MAGI2: variants seen among roughly 807,000 people sequenced by gnomAD.
MAGI2 encodes the protein membrane associated guanylate kinase, WW and PDZ domain containing 2.
In MAGI2, 35 loss-of-function variants were observed where a neutral mutation model predicts 133.3. That is an observed-to-expected ratio of 0.26 (90% confidence interval 0.20 to 0.35). The LOEUF (loss-of-function observed/expected upper bound fraction) is 0.35. Among genes scored for constraint, MAGI2 ranks in the 10% least tolerant of loss-of-function variants. MAGI2 has a pLI of 1.00. For missense variants in MAGI2, 1,636 were observed against 1,863.4 expected, an observed-to-expected ratio of 0.88 and a Z score of 2.25; for synonymous variants, 729 against 710.6, an observed-to-expected ratio of 1.03 and a Z score of -0.41.
intron 1 of MAGI2, among the ~76,000 whole-genome samples, chr7:79,434,379 CAG>C (rs1847997366): frequency 6.6e-6 from 1 of 152,080 alleles, no homozygotes; most frequent in Admixed American, 6.6e-5. Context: ...AAAACAGAAA[CAG>C]ATACTTTTTC....
At chr7:78,090,535 A>G (rs1261937552) in intron 20 of MAGI2, among the ~76,000 whole-genome samples, 2 of 152,172 alleles carry the variant, frequency 1.3e-5, no homozygotes, top group African/African-American at 4.8e-5. Flanking sequence ...TGGTTTTCCT[A>G]CTGTCAACTG....
At chr7:78,786,368 G>A (rs990282557) in intron 2 of MAGI2, among the ~76,000 whole-genome samples, 1 of 152,154 alleles carries the variant, frequency 6.6e-6, no homozygotes, top group Non-Finnish European at 1.5e-5. Context: ...TAGTGAATCT[G>A]TTAAAACCTA....
intron 6 of MAGI2, among the ~76,000 whole-genome samples, chr7:78,389,029 T>C (rs1353913867): frequency 1.3e-5 from 2 of 152,200 alleles, no homozygotes; most frequent in Non-Finnish European, 2.9e-5. Flanking sequence ...GAGATAATAC[T>C]TGAAAGTGAA....
chr7:78,454,835 C>A (rs1212532422), intron 6 of MAGI2, among the ~76,000 whole-genome samples: 2 of 152,096 alleles, frequency 1.3e-5, no homozygotes, highest in Non-Finnish European at 2.9e-5. Context: ...TACTATATGA[C>A]TTCAACTATG....
chr7:78,527,550 C>G (rs535183714), intron 3 of MAGI2, among the ~76,000 whole-genome samples: 1 of 152,194 alleles, frequency 6.6e-6, no homozygotes, highest in East Asian at 1.9e-4. Context: ...TAATAGATAT[C>G]AAAATATTAT....
At chr7:78,586,608 T>C (rs986854864) in intron 3 of MAGI2, among the ~76,000 whole-genome samples, 3 of 152,210 alleles carry the variant, frequency 2.0e-5, no homozygotes, top group Non-Finnish European at 4.4e-5. Context: ...ATATTGTTTT[T>C]AAGTATACTA....
At chr7:78,664,796 G>A (rs1813363759) in intron 2 of MAGI2, among the ~76,000 whole-genome samples, 1 of 151,910 alleles carries the variant, frequency 6.6e-6, no homozygotes, top group South Asian at 2.1e-4. Context: ...GGTATACTGA[G>A]TTAAGCTATG....
At chr7:78,634,917 A>G (rs761457707) in intron 2 of MAGI2, among the ~76,000 whole-genome samples, 9 of 152,138 alleles carry the variant, frequency 5.9e-5, no homozygotes, top group Non-Finnish European at 1.2e-4. Flanking sequence ...TATAATTTAT[A>G]TATTTTATTC....
intron 9 of MAGI2, among the ~76,000 whole-genome samples, chr7:78,331,440 G>A (rs776787558): frequency 6.6e-6 from 1 of 152,208 alleles, no homozygotes; most frequent in Non-Finnish European, 1.5e-5. Context: ...ATCTAGCTGT[G>A]CTCACTTTGG....
chr7:78,027,222 T>G (rs1001822929), intron 21 of MAGI2, among the ~76,000 whole-genome samples: 1 of 152,200 alleles, frequency 6.6e-6, no homozygotes, highest in Non-Finnish European at 1.5e-5. Context: ...CTAAAGTGAT[T>G]GTCAGAAGCA....
intron 2 of MAGI2, among the ~76,000 whole-genome samples, chr7:78,776,233 A>G (rs1294348174): frequency 6.6e-6 from 1 of 152,244 alleles, no homozygotes; most frequent in African/African-American, 2.4e-5. Context: ...GTATCCCTCA[A>G]TGACACTTTC....
At chr7:79,269,509 G>GA (rs1834719100) in intron 1 of MAGI2, among the ~76,000 whole-genome samples, 1 of 152,028 alleles carries the variant, frequency 6.6e-6, no homozygotes, top group Admixed American at 6.6e-5. Context: ...AATAATAAAT[G>GA]AAAAATATAC....
At chr7:79,143,120 A>G (rs1486915944) in intron 1 of MAGI2, among the ~76,000 whole-genome samples, 2 of 152,222 alleles carry the variant, frequency 1.3e-5, no homozygotes, top group Non-Finnish European at 2.9e-5. Flanking sequence ...TAATCCAGAA[A>G]AATGTTTGTG....
In MAGI2 at chr7:78,167,951, A is replaced by C; in HGVS notation, c.2561T>G (p.Val854Gly). 1 of 1,614,116 alleles carries C rather than the reference A, an allele frequency of 6.2e-7. No homozygotes were observed. Among genetic ancestry groups the C allele is most frequent in the Non-Finnish European group, 8.5e-7 (1 of 1,180,026 alleles). ...LMHHAARNGQ[V>G]NLTVRRKVLC... ...CACCTTTCTTCTCACAGTGAGGTTG[A>C]CCTGCCCATTGCGGGCTGCGTGGTG... is the stretch of plus-strand genomic sequence containing the variant. Residue 854 changes from valine to glycine, a missense_variant, in exon 15 of 22, where the codon GTC (valine) becomes GGC (glycine). Physicochemically the swap from Val to Gly is moderately radical, Grantham distance 109 (BLOSUM62 -3). Transcript: ENST00000354212.
rs551802359 is a variant in MAGI2, at chr7:78,074,982, T to C, written c.3706+3965A>G. ...GGCTGGTGCCTGGTGCCTGGAAATG[T>C]GACTGGTAAATCATCCCCTAAGCTA... On this transcript the variant is annotated intron_variant, in intron 21 of 21. Transcript: ENST00000354212. Among the ~76,000 whole-genome samples the C allele has an allele frequency of 2.6e-5, 4 of 152,336 alleles. No homozygotes were observed. The East Asian group carries it at 7.7e-4, about 29-fold the overall frequency.
intron 2 of MAGI2, among the ~76,000 whole-genome samples, chr7:78,781,652 A>T: frequency 6.6e-6 from 1 of 152,270 alleles, no homozygotes; most frequent in East Asian, 1.9e-4. Context: ...TGTCACCTAT[A>T]GGACAATATA....
At chr7:78,747,726 TC>T (rs1304801441) in intron 2 of MAGI2, among the ~76,000 whole-genome samples, 10 of 152,124 alleles carry the variant, frequency 6.6e-5, no homozygotes, top group Non-Finnish European at 8.8e-5. Context: ...CAAAGCTGCA[TC>T]CGTGGTGACT....
chr7:78,069,350 A>G (rs560036005), intron 21 of MAGI2, among the ~76,000 whole-genome samples: 3 of 152,314 alleles, frequency 2.0e-5, no homozygotes, highest in African/African-American at 4.8e-5. Context: ...TTTTAAAAAT[A>G]TAGAGTCCTG....
chr7:78,753,104 A>C (rs1237913151), intron 2 of MAGI2, among the ~76,000 whole-genome samples: 1 of 152,236 alleles, frequency 6.6e-6, no homozygotes, highest in Non-Finnish European at 1.5e-5. Context: ...ATGAAGAAAC[A>C]AGAAAATATC....
Sources: allele counts gnomAD v4.1 joint callset (sites outside exome capture counted in the v4.1 genomes callset), GRCh38; gene constraint gnomAD v4.1.1; transcripts MANE v1.5; gene names NCBI Gene and HGNC (gene_info 2026-07-23, HGNC 2026-07-21).